The following MDN1 variants were observed in gnomAD, a reference collection of about 807,000 sequenced individuals.
The protein encoded by MDN1 is midasin AAA ATPase 1, also known as midasin.
A neutral mutation model predicts 669.2 loss-of-function variants in MDN1; 266 were observed. The ratio of observed to expected loss-of-function variants is 0.40; its 90% CI spans 0.36 to 0.44. The LOEUF is 0.44. Ranked by LOEUF, MDN1 falls within the 20% of genes least tolerant of loss-of-function variation. The pLI is 1.00. For synonymous variants in MDN1, 2,385 were observed against 2,457.1 expected (o/e 0.97, Z 0.87); for missense variants, 5,940 against 6,754.0 (o/e 0.88, Z 4.22).
intron 40 of MDN1, 103 bp downstream of exon 40, chr6:89,722,852 A>T: frequency 9.2e-7 from 1 of 1,092,510 alleles, no homozygotes; most frequent in Non-Finnish European, 1.3e-6. Flanking sequence ...GTCTCAAAAA[A>T]AAAAAAAAAA....
rs779074951 is a variant in MDN1, at chr6:89,652,262, T to C, written c.15845A>G (p.Asn5282Ser). ...TIFQPFLKDV[N>S]ELRQELERQL... ...TCTCTCCAGCTCCTGTCTTAGCTCA[T>C]TGACATCTTTTAAAAAGGGCTAAAA... The change falls in exon 95 of 102, where the codon AAT becomes AGT. Residue 5282 changes from asparagine (N) to serine (S), a missense_variant. By Grantham distance (46) the Asn-to-Ser change is conservative (BLOSUM62 1). This residue lies in a region of MDN1 where 2,280 missense variants were observed against 2,576.3 expected (regional missense o/e 0.88). Coordinates refer to ENST00000369393, the MANE Select transcript of MDN1 (RefSeq NM_014611.3). 19 of 1,613,290 alleles carry C rather than the reference T, an allele frequency of 1.2e-5. 1 individual carries two copies. The highest frequency in any genetic ancestry group is 7.7e-5 in the South Asian group (7 of 90,956).
chr6:89,646,497 C>T (rs1482548817), intron 100 of MDN1, 43 bp downstream of exon 100: 14 of 1,574,096 alleles, frequency 8.9e-6, no homozygotes, highest in Non-Finnish European at 1.0e-5. Context: ...ATATAGAGTA[C>T]AAGAAAGCAT....
intron 86 of MDN1, 98 bp downstream of exon 86, chr6:89,662,694 A>C: frequency 7.5e-7 from 1 of 1,327,910 alleles, no homozygotes. Flanking sequence ...AACAAAACAA[A>C]TACAGAAAAA....
At chr6:89,719,383 C>T (rs911868094) in intron 40 of MDN1, among the ~76,000 whole-genome samples, 158 bp from the exon 41 acceptor site, 1 of 152,186 alleles carries the variant, frequency 6.6e-6, no homozygotes, top group Non-Finnish European at 1.5e-5. Context: ...AAAGGATTGA[C>T]TGCATTTATT....
In MDN1 at chr6:89,662,131, C is replaced by G; in HGVS notation, c.14521G>C (p.Asp4841His). The G allele has an allele frequency of 6.2e-7, 1 of 1,613,906 alleles. No homozygotes were observed. The highest frequency in any genetic ancestry group is 1.1e-5 in the South Asian group (1 of 91,004). ...ATTTTGTCTTCACCTTGTCCACCAT[C>G]ATCAGCTTCTGCTTCTTCCTTTTCT... is the stretch of plus-strand genomic sequence containing the variant. ...KEEKEEAEADDGGQGEDKINE... is the reference protein window; with the variant it reads ...KEEKEEAEADHGGQGEDKINE... Residue 4841 changes from aspartate (D) to histidine (H), a missense_variant, in exon 87 of 102, where the codon GAT (aspartate) becomes CAT (histidine). Physicochemically the swap from Asp to His is moderately conservative, Grantham distance 81. This residue lies in a region of MDN1 where 2,280 missense variants were observed against 2,576.3 expected (regional missense o/e 0.88). Transcript: ENST00000369393.
chr6:89,650,327 G>T, intron 96 of MDN1, 129 bp from the exon 97 acceptor site: 1 of 856,714 alleles, frequency 1.2e-6, no homozygotes, highest in Non-Finnish European at 1.8e-6. Flanking sequence ...ACAATGAAGT[G>T]TTTCTGTCAA....
At chr6:89,760,578 T>C (rs1209647276) in intron 17 of MDN1, among the ~76,000 whole-genome samples, 1 of 152,164 alleles carries the variant, frequency 6.6e-6, no homozygotes, top group African/African-American at 2.4e-5. Context: ...AATCAACCTA[T>C]GTCTCCATCA....
intron 61 of MDN1, among the ~76,000 whole-genome samples, chr6:89,694,770 C>T (rs984728416): frequency 1.3e-5 from 2 of 150,856 alleles, no homozygotes; most frequent in Non-Finnish European, 2.9e-5. Flanking sequence ...CCAGGTTAGT[C>T]TCAAACTCCT....
At chr6:89,668,225 A>G in intron 83 of MDN1, 74 bp from the exon 84 acceptor site, 1 of 1,567,704 alleles carries the variant, frequency 6.4e-7, no homozygotes, top group South Asian at 1.1e-5. Flanking sequence ...TTCTTGCCAC[A>G]GGAAAACAAT....
rs1243618948 is a variant in MDN1 at position 89,689,905 on chromosome 6, C to T, written c.10988G>A (p.Gly3663Glu). 6.2e-7 allele frequency: 1 copy of T among 1,614,146 alleles called. No homozygotes were observed. Among genetic ancestry groups the T allele is most frequent in the South Asian group, 1.1e-5 (1 of 91,082 alleles). Residue 3663 changes from glycine (G) to glutamate (E), a missense_variant, in exon 65 of 102, where the codon GGG (glycine) becomes GAG (glutamate). By Grantham distance (98) the Gly-to-Glu change is moderately conservative. Transcript: ENST00000369393. ...GTAGAAGTGTGTCACAAGCGATGCC[C>T]CAGTCTGATAGCAAGACAGAAACAG... ...LSLFLSCYQT[G>E]ASLVTHFYPL...
At position 89,747,309 on chromosome 6, in the gene MDN1, G is replaced by T. The variant is rs755062492; in HGVS notation, c.3904+20C>A. On this transcript the variant is annotated intron_variant, in intron 27 of 101. Transcript: ENST00000369393. ...CATTTAACATAACTATATATTGAGA[G>T]CATTTGATTGAAAACACACCATCAT... The T allele has an allele frequency of 1.3e-4, 208 of 1,604,956 alleles. No homozygotes were observed. Among genetic ancestry groups the T allele is most frequent in the Non-Finnish European group, 1.7e-4 (198 of 1,177,868 alleles).
intron 1 of MDN1, among the ~76,000 whole-genome samples, chr6:89,818,524 C>A (rs1211997033): frequency 6.6e-6 from 1 of 151,330 alleles, no homozygotes; most frequent in Non-Finnish European, 1.5e-5. Flanking sequence ...GTACCTGGGA[C>A]CACACTCACC....
intron 85 of MDN1, among the ~76,000 whole-genome samples, chr6:89,664,170 A>G (rs369145984): frequency 6.6e-6 from 1 of 152,206 alleles, no homozygotes; most frequent in Non-Finnish European, 1.5e-5. Flanking sequence ...TAAACACTAC[A>G]GAACAATTTG....
chr6:89,802,807 GTC>G (rs1562235954), intron 2 of MDN1, among the ~76,000 whole-genome samples: 1 of 152,134 alleles, frequency 6.6e-6, no homozygotes, highest in Non-Finnish European at 1.5e-5. Flanking sequence ...CAGTTTTGCT[GTC>G]TCTTTTGATT....
At chr6:89,795,243 C>T (rs921091496) in intron 2 of MDN1, among the ~76,000 whole-genome samples, 6 of 152,130 alleles carry the variant, frequency 3.9e-5, no homozygotes, top group Non-Finnish European at 5.9e-5. Context: ...AGTTTAATAA[C>T]TGGGATTCAA....
chr6:89,680,834 C>T, intron 73 of MDN1, 83 bp from the exon 74 acceptor site: 1 of 1,409,562 alleles, frequency 7.1e-7, no homozygotes, highest in Non-Finnish European at 9.6e-7. Flanking sequence ...AACTGTTGCA[C>T]ACAAAAACAC....
rs1200601336 is a variant in MDN1 at position 89,690,823 on chromosome 6, A to G, written c.10599T>C (p.Ser3533=). 6 of 1,613,482 alleles carry G rather than the reference A, an allele frequency of 3.7e-6. No homozygotes were observed. Among genetic ancestry groups the G allele is most frequent in the Non-Finnish European group, 5.1e-6 (6 of 1,179,856 alleles). The change falls in exon 64 of 102, where the codon AGT becomes AGC. Residue 3533 remains serine, a synonymous_variant. Coordinates refer to ENST00000369393, the MANE Select transcript of MDN1 (RefSeq NM_014611.3). The part of the protein sequence containing the change: ...LFRHVCQEII[S]EWDEQERIAQ... ...CTATGCGTTCCTGCTCATCCCACTC[A>G]CTGATGATTTCCTGAAAGTCACACA...
At chr6:89,730,381 A>G (rs915757216) in intron 35 of MDN1, among the ~76,000 whole-genome samples, 15 of 152,340 alleles carry the variant, frequency 9.8e-5, no homozygotes, top group African/African-American at 3.4e-4. Context: ...GATACATTAT[A>G]GGCTAAATAG....
rs956250927 is a variant in MDN1 at position 89,651,673 on chromosome 6, C to G, written c.15915+519G>C. Among the ~76,000 whole-genome samples the G allele has an allele frequency of 7.9e-5, 12 of 152,316 alleles. No homozygotes were observed. In the East Asian group the frequency reaches 2.3e-3, roughly 29 times the overall value. ...CAAATCCCTCCAGCAACACACTCAACACAAAGCCCCATGATTTTTCTGCCA... is the reference window on the plus strand; with the variant it reads ...CAAATCCCTCCAGCAACACACTCAAGACAAAGCCCCATGATTTTTCTGCCA... On this transcript the variant is annotated intron_variant, in intron 95 of 101. Transcript: ENST00000369393.
Sources: allele counts gnomAD v4.1 joint callset (sites outside exome capture counted in the v4.1 genomes callset), GRCh38; gene constraint gnomAD v4.1.1; regional missense constraint gnomAD v4.1.1; transcripts MANE v1.5; gene names NCBI Gene and HGNC (gene_info 2026-07-23, HGNC 2026-07-21).